Variants in KDM4A observed in about 807,000 individuals in gnomAD.
KDM4A encodes lysine-specific demethylase 4A.
A neutral mutation model predicts 127.1 loss-of-function variants in KDM4A; 23 were observed. The ratio of observed to expected loss-of-function variants is 0.18; its 90% confidence interval spans 0.13 to 0.26. KDM4A has a LOEUF of 0.26. Ranked by LOEUF, KDM4A falls within the 10% of genes least tolerant of loss-of-function variation. The pLI is 1.00. For missense variants in KDM4A, 890 were observed against 1,329.1 expected, an observed-to-expected ratio of 0.67 and a Z score of 5.14; for synonymous variants, 443 against 466.5, an observed-to-expected ratio of 0.95 and a Z score of 0.65.
At chr1:43,690,059 C>T (rs1661073155) in intron 13 of KDM4A, among the ~76,000 whole-genome samples, 1 of 152,228 alleles carries the variant, frequency 6.6e-6, no homozygotes, top group African/African-American at 2.4e-5. Context: ...TGCCATCCAG[C>T]AGATATTTGC....
chr1:43,658,406 A>G (rs1030425403), intron 3 of KDM4A, among the ~76,000 whole-genome samples: 12 of 151,866 alleles, frequency 7.9e-5, no homozygotes, highest in Non-Finnish European at 1.5e-4. Flanking sequence ...TTAGTTGACA[A>G]TAGGGGAGTT....
chr1:43,698,412 G>A (rs1189216822), intron 19 of KDM4A, among the ~76,000 whole-genome samples: 7 of 152,190 alleles, frequency 4.6e-5, no homozygotes, highest in Non-Finnish European at 5.9e-5. Context: ...GGCCCTCTTA[G>A]TAGATGTATA....
intron 11 of KDM4A, among the ~76,000 whole-genome samples, chr1:43,675,021 C>G (rs562689784): frequency 3.8e-4 from 58 of 152,330 alleles, no homozygotes; most frequent in Non-Finnish European, 3.2e-4. Context: ...GGGGTCTTCT[C>G]TCTGACATGT....
rs770669131 is a variant in KDM4A, at chr1:43,653,169, A to G, written c.-7A>G. On this transcript the variant is annotated 5_prime_UTR_variant, in exon 2 of 22. Transcript: ENST00000372396. The stretch of plus-strand genomic sequence containing the variant: ...TCTGACTAAAGGGACCTCAAAAAGG[A>G]GGGAAAATGGCTTCTGAGTCTGAAA... 1.6e-5 allele frequency: 26 copies of G among 1,608,048 alleles called. No individual in the cohort carries two copies. The highest frequency in any genetic ancestry group is 8.0e-5 in the African/African-American group (6 of 74,724).
intron 11 of KDM4A, 122 bp downstream of exon 11, chr1:43,671,997 G>A (rs1183172694): frequency 3.4e-6 from 4 of 1,171,254 alleles, no homozygotes; most frequent in Non-Finnish European, 4.6e-6. Context: ...GAGGGCAGGA[G>A]AGACCCTCAG....
chr1:43,678,130 C>T (rs955607033), intron 11 of KDM4A, among the ~76,000 whole-genome samples: 7 of 151,994 alleles, frequency 4.6e-5, no homozygotes, highest in African/African-American at 1.7e-4. Context: ...TATAAGAAAA[C>T]TAAAGGGTTT....
In KDM4A at chr1:43,693,951, C is replaced by T; in HGVS notation, c.2376-43C>T. ...GGCCCAAAAGAGAAGGCCACAGAGC[C>T]TTGGGCCCAGAGGTGACTGAGGGAG... is the stretch of plus-strand genomic sequence containing the variant. On this transcript the variant is annotated intron_variant, in intron 16 of 21. Transcript: ENST00000372396. This position sits in a 1 kb window ranked among gnomAD's most constrained non-coding sequence, Gnocchi z 4.2. The T allele has an allele frequency of 6.4e-7, 1 of 1,555,354 alleles. No homozygotes were observed.
At chr1:43,678,365 G>A (rs969237478) in intron 11 of KDM4A, among the ~76,000 whole-genome samples, 2 of 152,042 alleles carry the variant, frequency 1.3e-5, no homozygotes, top group African/African-American at 4.8e-5. Flanking sequence ...GTAGGAGAAT[G>A]TGAGGGAGCA....
chr1:43,663,305 A>G (rs1439803591), intron 5 of KDM4A, among the ~76,000 whole-genome samples: 1 of 152,180 alleles, frequency 6.6e-6, no homozygotes, highest in African/African-American at 2.4e-5. Flanking sequence ...TTTAGAGAGC[A>G]GGGTGCTGGC....
Position 43,694,634 on chromosome 1 carries a change from A to C in KDM4A, c.2485-75A>C. The C allele has an allele frequency of 7.4e-7, 1 of 1,352,358 alleles. No individual in the cohort carries two copies. The highest frequency in any genetic ancestry group is 1.0e-6 in the Non-Finnish European group (1 of 970,730). The allele number at this position is 1,352,358 out of a possible 1,614,324, so 83.8% of individuals were successfully genotyped here. A position where few individuals can be genotyped will look rare whatever the true frequency, so the allele number is the denominator to read the frequency against. On this transcript the variant is annotated intron_variant, in intron 17 of 21. Coordinates refer to ENST00000372396, the MANE Select transcript of KDM4A (RefSeq NM_014663.3). The surrounding 1 kb of genome is among the most constrained non-coding windows in gnomAD (Gnocchi z 5.2). ...CTGGCTCTTGCTTGCTTGGCTTTGC[A>C]TTTGGGAGGGGAACAACAGAGGAAG...
chr1:43,685,097 G>A (rs904459952), intron 12 of KDM4A, among the ~76,000 whole-genome samples: 3 of 152,132 alleles, frequency 2.0e-5, no homozygotes, highest in African/African-American at 7.2e-5. Context: ...GCCGATCTTG[G>A]GGAGGGGACC....
chr1:43,659,625 TA>T (rs767156479), intron 3 of KDM4A, among the ~76,000 whole-genome samples: 4 of 152,382 alleles, frequency 2.6e-5, no homozygotes, highest in East Asian at 1.9e-4. Flanking sequence ...GGCCAAAGTG[TA>T]GATATTTTTA....
At chr1:43,681,271 A>G (rs1036039015) in intron 11 of KDM4A, among the ~76,000 whole-genome samples, 1 of 151,838 alleles carries the variant, frequency 6.6e-6, no homozygotes, top group Non-Finnish European at 1.5e-5. Flanking sequence ...TCTTTCTGGT[A>G]TTCCTCTTAC....
chr1:43,677,192 A>G (rs1660760181), intron 11 of KDM4A, among the ~76,000 whole-genome samples: 1 of 152,142 alleles, frequency 6.6e-6, no homozygotes, highest in Non-Finnish European at 1.5e-5. Context: ...TAAAAATACA[A>G]AAATTAGCCA....
At position 43,697,853 on chromosome 1, in the gene KDM4A, G is replaced by A. The variant is rs1394472335; in HGVS notation, c.2681G>A (p.Gly894Glu). Reference protein sequence around the residue: ...HKIPNLERAKGALQSITAGQK... With the variant: ...HKIPNLERAKEALQSITAGQK... ...TCTGTTTTTTTCCAGCGTGCCAAGG[G>A]GGCCTTGCAAAGCATCACTGCAGGC... The change falls in exon 19 of 22, where the codon GGG (glycine) becomes GAG (glutamate). Residue 894 changes from glycine to glutamate, a missense_variant. Coordinates refer to ENST00000372396, the MANE Select transcript of KDM4A (RefSeq NM_014663.3). The A allele has an allele frequency of 6.2e-7, 1 of 1,612,268 alleles. No homozygotes were observed. Among genetic ancestry groups the A allele is most frequent in the Non-Finnish European group, 8.5e-7 (1 of 1,179,300 alleles).
At chr1:43,666,931 G>A (rs1660512658) in intron 7 of KDM4A, 23 bp from the exon 8 acceptor site, 1 of 1,612,708 alleles carries the variant, frequency 6.2e-7, no homozygotes, top group Admixed American at 1.7e-5. Context: ...TGAAGCAGCT[G>A]CTTCAAGTCT....
intron 12 of KDM4A, among the ~76,000 whole-genome samples, chr1:43,684,320 C>T (rs565952455): frequency 1.4e-4 from 21 of 152,086 alleles, no homozygotes; most frequent in African/African-American, 4.3e-4. Context: ...CTGGCTAACA[C>T]GTGAAACCCC....
intron 11 of KDM4A, among the ~76,000 whole-genome samples, chr1:43,679,510 T>C (rs1346651698): frequency 6.6e-6 from 1 of 152,178 alleles, no homozygotes; most frequent in Admixed American, 6.5e-5. Flanking sequence ...AGCACCCTTA[T>C]GTTCCCCCAC....
chr1:43,680,446 G>A (rs1660831685), intron 11 of KDM4A, among the ~76,000 whole-genome samples: 1 of 152,140 alleles, frequency 6.6e-6, no homozygotes, highest in African/African-American at 2.4e-5. Flanking sequence ...TTGGATCTTA[G>A]GTACCTCCTA....
Sources: gnomAD v4.1 joint callset for allele counts (sites outside exome capture counted in the v4.1 genomes callset) on GRCh38, gnomAD v4.1.1 for gene constraint, Gnocchi (gnomAD v3.1) non-coding constraint, MANE v1.5 for transcripts, NCBI Gene and HGNC (gene_info 2026-07-23, HGNC 2026-07-21) for gene names.